Variants in ARL15 observed in about 807,000 individuals in gnomAD.
ARL15 encodes the protein ARF like GTPase 15, also known as ADP-ribosylation factor-like protein 15.
ARL15 carries 19 observed loss-of-function variants against 25.2 expected under a neutral mutation model. The observed-to-expected ratio is 0.75, with a 90% CI of 0.53 to 1.10. ARL15 has a LOEUF of 1.10. Among genes scored for constraint, ARL15 ranks in the 50% least tolerant of loss-of-function variants. ARL15 has a pLI of 0.00. For synonymous variants in ARL15, 94 were observed against 86.8 expected (o/e 1.08, Z -0.46); for missense variants, 220 against 246.0 (o/e 0.89, Z 0.71).
At chr5:54,209,330 AG>A (rs1755967491) in intron 1 of ARL15, among the ~76,000 whole-genome samples, 1 of 126,968 alleles carries the variant, frequency 7.9e-6, no homozygotes, top group Non-Finnish European at 1.7e-5. Flanking sequence ...ATATAAAAAG[AG>A]AAAGAGAGAG....
chr5:54,076,448 A>G (rs532004956), intron 4 of ARL15, among the ~76,000 whole-genome samples: 3 of 142,378 alleles, frequency 2.1e-5, no homozygotes, highest in African/African-American at 7.4e-5. Context: ...AAAGAAAAAA[A>G]AAGAGAAATC....
intron 4 of ARL15, among the ~76,000 whole-genome samples, chr5:54,052,922 G>A (rs923528913): frequency 6.6e-6 from 1 of 152,058 alleles, no homozygotes; most frequent in Non-Finnish European, 1.5e-5. Flanking sequence ...CCCAAGATGA[G>A]TGTGGAGCCT....
chr5:54,033,052 G>A (rs1036955307), intron 4 of ARL15, among the ~76,000 whole-genome samples: 2 of 152,010 alleles, frequency 1.3e-5, no homozygotes, highest in Non-Finnish European at 2.9e-5. Flanking sequence ...GACTGGCTGG[G>A]CATGGTGGTG....
chr5:54,041,998 T>C (rs1162237622), intron 4 of ARL15, among the ~76,000 whole-genome samples: 1 of 149,478 alleles, frequency 6.7e-6, no homozygotes, highest in African/African-American at 2.5e-5. Context: ...TGAGACGGAG[T>C]CTCGCTTTGT....
intron 4 of ARL15, among the ~76,000 whole-genome samples, chr5:54,091,767 G>T (rs1752134625): frequency 6.7e-6 from 1 of 150,088 alleles, no homozygotes; most frequent in Non-Finnish European, 1.5e-5. Context: ...GAGATGAAGA[G>T]ATGAGGAAAC....
chr5:53,947,167 G>GGGGTGT (rs752822788), intron 4 of ARL15, among the ~76,000 whole-genome samples: 4,949 of 123,550 alleles, frequency 0.04, 135 homozygotes, highest in East Asian at 0.076. Flanking sequence ...AATAAATAAG[G>GGGGTGT]GTGTGTGTGT....
chr5:54,029,321 C>CACT (rs1561194970), intron 4 of ARL15, among the ~76,000 whole-genome samples: 111 of 117,680 alleles, frequency 9.4e-4, no homozygotes, highest in African/African-American at 3.8e-3. Context: ...CCACCACCAC[C>CACT]ACCACCACCA....
intron 1 of ARL15, among the ~76,000 whole-genome samples, chr5:54,197,243 G>C (rs1755576471): frequency 6.6e-6 from 1 of 152,046 alleles, no homozygotes; most frequent in South Asian, 2.1e-4. Context: ...TTGTAAAAAA[G>C]CAGCATGAAC....
intron 1 of ARL15, among the ~76,000 whole-genome samples, chr5:54,288,350 T>G (rs548535155): frequency 6.6e-6 from 1 of 152,350 alleles, no homozygotes; most frequent in South Asian, 2.1e-4. Flanking sequence ...CATCCAGCTA[T>G]CTGGAATGCA....
intron 4 of ARL15, among the ~76,000 whole-genome samples, chr5:54,104,259 C>T (rs1752527596): frequency 6.6e-6 from 1 of 152,096 alleles, no homozygotes; most frequent in South Asian, 2.1e-4. Flanking sequence ...CTTCAGGCAC[C>T]TTTTCTCTTT....
At chr5:54,229,978 G>A (rs755264222) in intron 1 of ARL15, among the ~76,000 whole-genome samples, 1 of 152,176 alleles carries the variant, frequency 6.6e-6, no homozygotes, top group Non-Finnish European at 1.5e-5. Context: ...AGGAGACTGA[G>A]GAGAGACCTG....
chr5:54,066,239 A>T (rs926942901), intron 4 of ARL15, among the ~76,000 whole-genome samples: 2 of 152,214 alleles, frequency 1.3e-5, no homozygotes, highest in African/African-American at 4.8e-5. Flanking sequence ...CTAAGCCCCC[A>T]TTTGCCAACA....
At chr5:54,238,428 C>T (rs1561278997) in intron 1 of ARL15, among the ~76,000 whole-genome samples, 1 of 152,168 alleles carries the variant, frequency 6.6e-6, no homozygotes, top group Non-Finnish European at 1.5e-5. Context: ...AGGAAGCCGA[C>T]GGTGAGTGAA....
chr5:54,142,858 T>C lies in ARL15; in HGVS notation c.253+11722A>G, dbSNP rs555994097. Among the ~76,000 whole-genome samples the C allele has an allele frequency of 2.0e-5, 3 of 152,330 alleles. No individual in the cohort carries two copies. The South Asian group carries it at 6.2e-4, about 32-fold the overall frequency. On this transcript the variant is annotated intron_variant, in intron 3 of 4. Transcript: ENST00000504924. ...CTAACCCAAAGTCACAAAGATTGTC[T>C]TATATGTTTTCTACTAGAAGTTTTA...
intron 4 of ARL15, among the ~76,000 whole-genome samples, chr5:53,967,055 C>T (rs560866025): frequency 2.4e-4 from 37 of 152,210 alleles, no homozygotes; most frequent in Admixed American, 8.5e-4. Flanking sequence ...ACACACTAAA[C>T]TGGAATATAA....
intron 1 of ARL15, among the ~76,000 whole-genome samples, chr5:54,280,143 C>T (rs1453575464): frequency 1.3e-5 from 2 of 152,202 alleles, no homozygotes; most frequent in Non-Finnish European, 1.5e-5. Flanking sequence ...CCCCATCCCT[C>T]CTTCCTTCCC....
At chr5:54,058,012 A>AT (rs1266789279) in intron 4 of ARL15, among the ~76,000 whole-genome samples, 20 of 65,346 alleles carry the variant, frequency 3.1e-4, no homozygotes, top group African/African-American at 5.3e-4. Flanking sequence ...TTATTTATTT[A>AT]TTTATTTTTT....
intron 4 of ARL15, among the ~76,000 whole-genome samples, chr5:53,961,187 A>C (rs11742353): frequency 6.6e-6 from 1 of 152,152 alleles, no homozygotes; most frequent in Non-Finnish European, 1.5e-5. Context: ...AGAGTCATAG[A>C]CTTTAGAAAT....
At chr5:54,271,645 T>C (rs1757787460) in intron 1 of ARL15, among the ~76,000 whole-genome samples, 2 of 152,186 alleles carry the variant, frequency 1.3e-5, no homozygotes, top group African/African-American at 2.4e-5. Context: ...AACTCTAATA[T>C]GCTAACTTAG....
Sources: allele counts gnomAD v4.1 joint callset (sites outside exome capture counted in the v4.1 genomes callset), GRCh38; gene constraint gnomAD v4.1.1; transcripts MANE v1.5; gene names NCBI Gene and HGNC (gene_info 2026-07-23, HGNC 2026-07-21).